Variants in KPNA7 observed in about 807,000 individuals in gnomAD.
KPNA7 encodes importin subunit alpha-8.
KPNA7 carries 54 observed loss-of-function variants against 53.7 expected under a neutral mutation model. The ratio of observed to expected loss-of-function variants is 1.01; its 90% CI spans 0.81 to 1.26. KPNA7 has a LOEUF of 1.26. Among genes scored for constraint, KPNA7 ranks in the 50% most tolerant of loss-of-function variants. The pLI is 0.00. For missense variants in KPNA7, 640 were observed against 644.5 expected (o/e 0.99, Z 0.07); for synonymous variants, 276 against 259.3 (o/e 1.06, Z -0.62).
chr7:99,194,462 GC>G (rs1219514530), intron 5 of KPNA7, among the ~76,000 whole-genome samples: 3 of 152,180 alleles, frequency 2.0e-5, no homozygotes, highest in African/African-American at 7.2e-5. Context: ...CACTGCATAA[GC>G]CAAAGACTTG....
At chr7:99,187,125 A>G (rs1789635572) in intron 7 of KPNA7, among the ~76,000 whole-genome samples, 1 of 152,006 alleles carries the variant, frequency 6.6e-6, no homozygotes, top group Non-Finnish European at 1.5e-5. Context: ...TGTCTCTACT[A>G]AAAATACAAA....
intron 7 of KPNA7, among the ~76,000 whole-genome samples, chr7:99,185,574 T>C (rs1402214755): frequency 6.6e-6 from 1 of 152,088 alleles, no homozygotes; most frequent in Non-Finnish European, 1.5e-5. Context: ...TCTCAAGTGA[T>C]CCTGCCTTGG....
Position 99,214,647 on chromosome 7 carries a change from A to AG in KPNA7, c.-23-7159dup, listed in dbSNP as rs1436394219. Among the ~76,000 whole-genome samples the AG allele has an allele frequency of 1.6e-3, 2 of 1,232 alleles. 1 individual carries two copies. Among genetic ancestry groups the AG allele is most frequent in the Non-Finnish European group, 0.037 (2 of 54 alleles). 0.8% of individuals were successfully genotyped at this position (1,232 alleles called of 152,430 possible). A position where few individuals can be genotyped will look rare whatever the true frequency, so the allele number is the denominator to read the frequency against. On this transcript the variant is annotated intron_variant, in intron 1 of 10. Transcript: ENST00000681060. Reference sequence around the variant, plus strand: ...TGTTTCAAAGGAAAGAGGGGAGGGGAGGTAGGGAAGGGGAGGGGAGGTAGG... The same window carrying AG: ...TGTTTCAAAGGAAAGAGGGGAGGGGAGGGTAGGGAAGGGGAGGGGAGGTAGG...
chr7:99,196,168 T>C lies in KPNA7; in HGVS notation c.202-2A>G. On this transcript the variant is annotated splice_acceptor_variant, in intron 3 of 10. Transcript: ENST00000327442. LOFTEE classifies it high-confidence loss of function. Reference sequence around the variant, plus strand: ...TATTTCACCCAGAGTGAGGCTGACCTGCAAGAAGAGACACATTCAGGTCAG... The same window carrying C: ...TATTTCACCCAGAGTGAGGCTGACCCGCAAGAAGAGACACATTCAGGTCAG... 1 of 1,550,532 alleles carries C rather than the reference T, an allele frequency of 6.4e-7. No individual in the cohort carries two copies. The highest frequency in any genetic ancestry group is 8.7e-7 in the Non-Finnish European group (1 of 1,145,906).
At chr7:99,146,247 C>A in the KPNA7 span, among the ~76,000 whole-genome samples, 1 of 152,144 alleles carries the variant, frequency 6.6e-6, no homozygotes, top group Non-Finnish European at 1.5e-5. Flanking sequence ...CTCCCCGCCC[C>A]GACGGCTGGT....
intron 2 of KPNA7, among the ~76,000 whole-genome samples, chr7:99,205,408 CTCAAAA>C (rs1790750418): frequency 3.8e-5 from 2 of 53,142 alleles, no homozygotes; most frequent in Non-Finnish European, 3.7e-5. Flanking sequence ...AAGACTCCAT[CTCAAAA>C]AAAAAAAAAA....
At chr7:99,159,079 G>A in the KPNA7 span, among the ~76,000 whole-genome samples, 1 of 151,918 alleles carries the variant, frequency 6.6e-6, no homozygotes, top group Admixed American at 6.6e-5. Flanking sequence ...TGGTCAGGCT[G>A]GTCTTGAACT....
intron 7 of KPNA7, among the ~76,000 whole-genome samples, chr7:99,187,293 CA>C (rs926466449): frequency 1.3e-5 from 2 of 151,398 alleles, no homozygotes; most frequent in South Asian, 4.2e-4. Context: ...GTCTCACACA[CA>C]AAAAAAATAA....
At chr7:99,195,371 AG>A in intron 4 of KPNA7, 33 bp from the exon 5 acceptor site, 4 of 1,541,344 alleles carry the variant, frequency 2.6e-6, no homozygotes, top group Non-Finnish European at 3.5e-6. Flanking sequence ...GGGGAGGGGG[AG>A]GTCAAGTGAG....
At chr7:99,188,801 C>T (rs1402795272) in intron 6 of KPNA7, among the ~76,000 whole-genome samples, 1 of 152,174 alleles carries the variant, frequency 6.6e-6, no homozygotes, top group Non-Finnish European at 1.5e-5. Flanking sequence ...CCTCAGCCTC[C>T]TGAGTAGCTG....
intron 2 of KPNA7, among the ~76,000 whole-genome samples, chr7:99,206,049 C>G (rs1277228046): frequency 6.6e-6 from 1 of 152,210 alleles, no homozygotes; most frequent in Non-Finnish European, 1.5e-5. Context: ...GTTGGCCATA[C>G]CTATATGCTA....
At chr7:99,162,045 T>TTC in the KPNA7 span, among the ~76,000 whole-genome samples, 1 of 149,196 alleles carries the variant, frequency 6.7e-6, no homozygotes, top group Non-Finnish European at 1.5e-5. Flanking sequence ...CAATTTTTTT[T>TTC]TTTTTTTTTT....
At chr7:99,218,454 C>A (rs1011239749) in intron 1 of KPNA7, among the ~76,000 whole-genome samples, 14 of 152,124 alleles carry the variant, frequency 9.2e-5, no homozygotes, top group African/African-American at 3.1e-4. Flanking sequence ...ACAAGTCCCA[C>A]AGGTGACAAC....
At chr7:99,190,394 C>T (rs981967656) in intron 6 of KPNA7, among the ~76,000 whole-genome samples, 1 of 151,504 alleles carries the variant, frequency 6.6e-6, no homozygotes, top group African/African-American at 2.4e-5. Context: ...TTCTTGGCAA[C>T]TGTGACACCA....
At position 99,213,458 on chromosome 7, in the gene KPNA7, G is replaced by A. The variant is rs76149593; in HGVS notation, c.-23-5969C>T. ...AAAAAAAAAAAAAAAAAAAAAAAAA[G>A]AGAGAGAGACAGAGTCTCATTGTTG... On this transcript the variant is annotated intron_variant, in intron 1 of 10. Transcript: ENST00000681060. 6.3e-3 allele frequency among the ~76,000 whole-genome samples: 576 copies of A among 90,940 alleles called. 6 individuals are homozygous for A. The highest frequency in any genetic ancestry group is 0.023 in the African/African-American group (527 of 23,224). 59.7% of individuals were successfully genotyped at this position (90,940 alleles called of 152,430 possible). A position where few individuals can be genotyped will look rare whatever the true frequency, so the allele number is the denominator to read the frequency against.
chr7:99,155,870 TTA>T, the KPNA7 span, among the ~76,000 whole-genome samples: 2 of 152,098 alleles, frequency 1.3e-5, no homozygotes, highest in Non-Finnish European at 2.9e-5. Flanking sequence ...CAGCTCAGAT[TTA>T]TGTTTTGTCA....
intron 9 of KPNA7, among the ~76,000 whole-genome samples, chr7:99,180,664 T>A (rs1270631035): frequency 3.1e-5 from 3 of 95,876 alleles, no homozygotes; most frequent in African/African-American, 5.8e-5. Flanking sequence ...TCTCTCCCCA[T>A]CTGTGTGTGT....
chr7:99,162,687 A>G, the KPNA7 span, among the ~76,000 whole-genome samples: 1 of 152,172 alleles, frequency 6.6e-6, no homozygotes, highest in East Asian at 1.9e-4. Context: ...TTGAGCCAAC[A>G]AGGTTAGATC....
intron 6 of KPNA7, among the ~76,000 whole-genome samples, chr7:99,192,234 A>G (rs1237661531): frequency 6.6e-6 from 1 of 152,140 alleles, no homozygotes; most frequent in Admixed American, 6.6e-5. Context: ...CCAATAATGG[A>G]ACACCAGGCA....
Sources: gnomAD v4.1 joint callset for allele counts (sites outside exome capture counted in the v4.1 genomes callset) on GRCh38, gnomAD v4.1.1 for gene constraint, MANE v1.5 for transcripts, NCBI Gene and HGNC (gene_info 2026-07-23, HGNC 2026-07-21) for gene names.